Variants in PAK5 observed in about 807,000 individuals in gnomAD.
The protein encoded by PAK5 is serine/threonine-protein kinase PAK 5.
In PAK5, 16 loss-of-function variants were observed where a neutral mutation model predicts 65.9. That is an observed-to-expected ratio of 0.24 (90% CI 0.16 to 0.37). The LOEUF (loss-of-function observed/expected upper bound fraction) is 0.37, where lower values mean the gene tolerates loss of function less well. Among genes scored for constraint, PAK5 ranks in the 10% least tolerant of loss-of-function variants. The probability of loss-of-function intolerance (pLI) is 1.00; values close to 1 mark genes in which losing one functional copy is unlikely to be tolerated. For missense variants in PAK5, 785 were observed against 903.9 expected, an observed-to-expected ratio of 0.87 and a Z score of 1.69; for synonymous variants, 371 against 354.9, an observed-to-expected ratio of 1.05 and a Z score of -0.51.
chr20:9,744,062 G>T (rs1186405214), intron 1 of PAK5, among the ~76,000 whole-genome samples: 2 of 152,194 alleles, frequency 1.3e-5, no homozygotes, highest in Non-Finnish European at 2.9e-5. Flanking sequence ...ACAAGCCAAA[G>T]AATGCTGGAA....
intron 3 of PAK5, among the ~76,000 whole-genome samples, chr20:9,602,233 G>C (rs1486375030): frequency 6.6e-6 from 1 of 151,320 alleles, no homozygotes; most frequent in Non-Finnish European, 1.5e-5. Flanking sequence ...GGAGGTTGCA[G>C]TGAGCCGAGA....
chr20:9,802,906 A>ATGTG (rs1193259748), intron 1 of PAK5, among the ~76,000 whole-genome samples: 978 of 92,558 alleles, frequency 0.011, 130 homozygotes, highest in East Asian at 0.015. Flanking sequence ...TTGTATATGT[A>ATGTG]TGTGTATATA....
At chr20:9,711,210 T>C (rs969402598) in intron 2 of PAK5, 76 bp downstream of exon 2, 8 of 152,178 alleles carry the variant, frequency 5.3e-5, no homozygotes, top group Non-Finnish European at 8.8e-5. Flanking sequence ...TACATGCATG[T>C]TTCTGTGTTT....
chr20:9,773,566 C>T (rs1486335829), intron 1 of PAK5, among the ~76,000 whole-genome samples: 1 of 152,062 alleles, frequency 6.6e-6, no homozygotes, highest in Non-Finnish European at 1.5e-5. Context: ...AGCCAAGTTA[C>T]ACATTGACTT....
In PAK5 at chr20:9,542,673, G is replaced by A. The variant is rs191751301; in HGVS notation, c.1917C>T (p.Gly639=). 1.1e-5 allele frequency: 17 copies of A among 1,613,654 alleles called. 1 individual carries two copies. In the South Asian group the frequency reaches 1.1e-4, roughly 10 times the overall value. Residue 639 remains glycine, a synonymous_variant, in exon 9 of 10, where the codon GGC becomes GGT. Transcript: ENST00000353224. Reference sequence around the variant, plus strand: ...GAGGCTCATTGAAGTAGGGGGGCTCGCCATCAATCATTTCTATCACCATGA... The same window carrying A: ...GAGGCTCATTGAAGTAGGGGGGCTCACCATCAATCATTTCTATCACCATGA... ...LGIMVIEMID[G]EPPYFNEPPL...
chr20:9,730,631 G>A (rs1020042378), intron 1 of PAK5, among the ~76,000 whole-genome samples: 1 of 152,200 alleles, frequency 6.6e-6, no homozygotes, highest in African/African-American at 2.4e-5. Context: ...CAACAAACTG[G>A]AGAAGCTATG....
At chr20:9,584,362 G>T (rs766800468) in intron 3 of PAK5, among the ~76,000 whole-genome samples, 29 of 151,968 alleles carry the variant, frequency 1.9e-4, no homozygotes, top group Non-Finnish European at 2.9e-4. Flanking sequence ...ACCCAAGCTG[G>T]AGTGTAGTGG....
chr20:9,733,774 C>T (rs939702909), intron 1 of PAK5, among the ~76,000 whole-genome samples: 2 of 152,122 alleles, frequency 1.3e-5, no homozygotes, highest in South Asian at 2.1e-4. Flanking sequence ...CAACATTACT[C>T]GTCTTAGTTC....
chr20:9,661,614 C>T (rs2047348339), intron 2 of PAK5, among the ~76,000 whole-genome samples: 1 of 152,090 alleles, frequency 6.6e-6, no homozygotes, highest in South Asian at 2.1e-4. Flanking sequence ...TCTTCTCCCA[C>T]CTCTCATAAC....
At chr20:9,799,798 G>C (rs1186805299) in intron 1 of PAK5, among the ~76,000 whole-genome samples, 1 of 151,726 alleles carries the variant, frequency 6.6e-6, no homozygotes, top group Non-Finnish European at 1.5e-5. Context: ...TACATTAGCT[G>C]AGTGTGATGG....
intron 1 of PAK5, among the ~76,000 whole-genome samples, chr20:9,776,845 C>A (rs2048892213): frequency 6.6e-6 from 1 of 152,168 alleles, no homozygotes; most frequent in Non-Finnish European, 1.5e-5. Context: ...AGCTAAGTTG[C>A]TCTTGAATTT....
intron 2 of PAK5, among the ~76,000 whole-genome samples, chr20:9,704,875 T>A (rs2047986189): frequency 6.6e-6 from 1 of 152,144 alleles, no homozygotes; most frequent in Non-Finnish European, 1.5e-5. Context: ...AGACATGCTG[T>A]ATAGGCCTTG....
At chr20:9,750,102 GT>G (rs1235604434) in intron 1 of PAK5, among the ~76,000 whole-genome samples, 1 of 152,004 alleles carries the variant, frequency 6.6e-6, no homozygotes, top group South Asian at 2.1e-4. Flanking sequence ...TAGATCTTCA[GT>G]TATTGAGTGC....
intron 1 of PAK5, among the ~76,000 whole-genome samples, chr20:9,760,845 TG>T (rs1318285528): frequency 3.3e-5 from 5 of 152,038 alleles, no homozygotes; most frequent in African/African-American, 4.8e-5. Context: ...CTAATTTTTT[TG>T]TATTTTTAGT....
chr20:9,662,648 C>A lies in PAK5; in HGVS notation c.-11-18309G>T, dbSNP rs549022398. 1.2e-4 allele frequency among the ~76,000 whole-genome samples: 18 copies of A among 152,248 alleles called. No homozygotes were observed. In the East Asian group the frequency reaches 3.5e-3, roughly 29 times the overall value. On this transcript the variant is annotated intron_variant, in intron 2 of 9. Transcript: ENST00000353224. ...CCTGAACTGCTGTATGGAGGAAATC[C>A]ACTTGCTGACCAGGAGCACCTGCAC...
chr20:9,559,804 T>C (rs2045565524), intron 6 of PAK5, among the ~76,000 whole-genome samples: 1 of 151,852 alleles, frequency 6.6e-6, no homozygotes, highest in Non-Finnish European at 1.5e-5. Flanking sequence ...AGCACCAGTC[T>C]CATACAAAGG....
intron 2 of PAK5, among the ~76,000 whole-genome samples, chr20:9,681,868 G>A (rs1315658444): frequency 6.6e-6 from 1 of 152,052 alleles, no homozygotes; most frequent in Non-Finnish European, 1.5e-5. Flanking sequence ...AAAATACCCT[G>A]TTTTTGTTAG....
At chr20:9,575,776 G>A (rs1365256759) in intron 4 of PAK5, 1 of 152,268 alleles carries the variant, frequency 6.6e-6, no homozygotes, top group Admixed American at 6.5e-5. Flanking sequence ...GTCTGGGCCT[G>A]GAGACTTCAT....
chr20:9,830,024 G>A (rs1461561310), intron 1 of PAK5, among the ~76,000 whole-genome samples: 4 of 152,100 alleles, frequency 2.6e-5, no homozygotes, highest in South Asian at 2.1e-4. Context: ...GGAGCCCCAT[G>A]AGCAGTGAAT....
Sources: allele counts gnomAD v4.1 joint callset (sites outside exome capture counted in the v4.1 genomes callset), GRCh38; gene constraint gnomAD v4.1.1; transcripts MANE v1.5; gene names NCBI Gene and HGNC (gene_info 2026-07-23, HGNC 2026-07-21).